The following SLC25A24 variants were observed in gnomAD, a reference collection of about 807,000 sequenced individuals.
SLC25A24 encodes the protein mitochondrial adenyl nucleotide antiporter SLC25A24.
In SLC25A24, 49 loss-of-function variants were observed where a neutral mutation model predicts 60.7. The observed-to-expected ratio is 0.81, with a 90% CI of 0.64 to 1.02. The LOEUF is 1.02. SLC25A24 is among the 50% of genes least tolerant of loss of function. SLC25A24 has a pLI of 0.00. For missense variants in SLC25A24, 564 were observed against 586.3 expected (o/e 0.96, Z 0.39); for synonymous variants, 202 against 200.6 (o/e 1.01, Z -0.06).
intron 3 of SLC25A24, among the ~76,000 whole-genome samples, chr1:108,179,864 T>G (rs1397171125): frequency 6.6e-6 from 1 of 152,180 alleles, no homozygotes; most frequent in Non-Finnish European, 1.5e-5. Context: ...GGATGTAAAG[T>G]GTTCTCACCA....
intron 6 of SLC25A24, among the ~76,000 whole-genome samples, chr1:108,151,801 C>T (rs371572178): frequency 6.6e-6 from 1 of 152,218 alleles, no homozygotes; most frequent in Non-Finnish European, 1.5e-5. Flanking sequence ...TCAAACTCAG[C>T]ATGCACAAAA....
chr1:108,143,900 G>A (rs547228889), intron 7 of SLC25A24, among the ~76,000 whole-genome samples, 190 bp from the exon 8 acceptor site: 142 of 152,238 alleles, frequency 9.3e-4, no homozygotes, highest in Non-Finnish European at 1.6e-3. Flanking sequence ...AGAGAGACCC[G>A]TTTACTGCAA....
At chr1:108,182,485 G>A (rs1647965278) in intron 2 of SLC25A24, among the ~76,000 whole-genome samples, 1 of 151,198 alleles carries the variant, frequency 6.6e-6, no homozygotes, top group South Asian at 2.1e-4. Flanking sequence ...CTGAGTTAAA[G>A]AGAAGTAGTA....
chr1:108,151,312 T>C (rs750847330), intron 6 of SLC25A24, among the ~76,000 whole-genome samples: 1 of 152,214 alleles, frequency 6.6e-6, no homozygotes, highest in Non-Finnish European at 1.5e-5. Flanking sequence ...TTTCCTTCTC[T>C]TCACTGTCAA....
At chr1:108,174,994 G>T (rs1327179242) in intron 3 of SLC25A24, among the ~76,000 whole-genome samples, 2 of 152,172 alleles carry the variant, frequency 1.3e-5, no homozygotes, top group Non-Finnish European at 2.9e-5. Flanking sequence ...GAAGGGACTT[G>T]CCTTGTCTCT....
intron 1 of SLC25A24, among the ~76,000 whole-genome samples, chr1:108,187,686 T>C (rs1353635265): frequency 6.6e-6 from 1 of 151,892 alleles, no homozygotes; most frequent in African/African-American, 2.4e-5. Flanking sequence ...CCCATGGTTT[T>C]AACAATAATG....
Position 108,187,927 on chromosome 1 carries a change from G to GATAGATATATATATATATATAT in SLC25A24, c.184-1974_184-1973insATATATATATATATATATCTAT. Reference sequence around the variant, plus strand: ...TACACGAAATGGATAAGACATTATAGATATATATATATATATATTCATGCA... The same window carrying GATAGATATATATATATATATAT: ...TACACGAAATGGATAAGACATTATAGATAGATATATATATATATATATATATATATATATATATATTCATGCA... On this transcript the variant is annotated intron_variant, in intron 1 of 9. Transcript: ENST00000565488. Among the ~76,000 whole-genome samples the GATAGATATATATATATATATAT allele has an allele frequency of 8.6e-3, 826 of 95,716 alleles. 29 individuals are homozygous for GATAGATATATATATATATATAT. The highest frequency in any genetic ancestry group is 0.013 in the South Asian group (41 of 3,086). The allele number at this position is 95,716 out of a possible 152,430, so 62.8% of individuals were successfully genotyped here.
At chr1:108,161,386 T>C (rs1179494278) in intron 3 of SLC25A24, 93 bp from the exon 4 acceptor site, 7 of 711,618 alleles carry the variant, frequency 9.8e-6, no homozygotes, top group Admixed American at 2.6e-5. Flanking sequence ...GTTTCTTTTC[T>C]AACATAATAT....
chr1:108,171,848 G>A (rs546925762), intron 3 of SLC25A24, among the ~76,000 whole-genome samples: 31 of 152,298 alleles, frequency 2.0e-4, no homozygotes, highest in Middle Eastern at 3.4e-3. Flanking sequence ...GACAAAGAGA[G>A]GCTAAGAATT....
chr1:108,158,416 C>G (rs956697534), intron 4 of SLC25A24, among the ~76,000 whole-genome samples: 1 of 152,070 alleles, frequency 6.6e-6, no homozygotes, highest in Admixed American at 6.6e-5. Flanking sequence ...ATTTTACTAT[C>G]AATAAAATGG....
At chr1:108,143,800 C>A in intron 7 of SLC25A24, 90 bp from the exon 8 acceptor site, 1 of 946,140 alleles carries the variant, frequency 1.1e-6, no homozygotes, top group Non-Finnish European at 1.6e-6. Context: ...GAACAAATAC[C>A]TAGCACATAT....
At chr1:108,151,979 C>T (rs1679768465) in intron 6 of SLC25A24, among the ~76,000 whole-genome samples, 1 of 152,166 alleles carries the variant, frequency 6.6e-6, no homozygotes, top group African/African-American at 2.4e-5. Flanking sequence ...TCCTTAAAGA[C>T]ATCACCTTAT....
intron 1 of SLC25A24, among the ~76,000 whole-genome samples, chr1:108,192,260 G>C (rs912008826): frequency 7.2e-6 from 1 of 139,486 alleles, no homozygotes; most frequent in African/African-American, 2.5e-5. Context: ...AACATCTTGA[G>C]AGCAATCTGA....
intron 7 of SLC25A24, among the ~76,000 whole-genome samples, chr1:108,146,897 C>G (rs1317627015): frequency 6.6e-6 from 1 of 152,124 alleles, no homozygotes; most frequent in Non-Finnish European, 1.5e-5. Context: ...GTGTCTCTGC[C>G]AGGTTTTAGT....
At chr1:108,161,576 CA>C (rs1558015614) in intron 3 of SLC25A24, among the ~76,000 whole-genome samples, 2 of 152,090 alleles carry the variant, frequency 1.3e-5, no homozygotes, top group Admixed American at 1.3e-4. Context: ...CTACAAAACA[CA>C]AAAACTTGAA....
intron 1 of SLC25A24, among the ~76,000 whole-genome samples, chr1:108,189,538 C>T (rs1044647680): frequency 2.0e-5 from 3 of 152,092 alleles, no homozygotes; most frequent in East Asian, 1.9e-4. Flanking sequence ...TATGGCTGGG[C>T]GCATGGTGGC....
chr1:108,180,588 T>C (rs982298406), intron 3 of SLC25A24, among the ~76,000 whole-genome samples: 2 of 149,044 alleles, frequency 1.3e-5, no homozygotes, highest in East Asian at 3.9e-4. Flanking sequence ...AACAGGACTA[T>C]GGCCTTATAA....
rs1679368241 is a variant in SLC25A24, at chr1:108,138,980, TTAG to T, written c.1249+75_1249+77del. ...CTGTCTTAAAACTACAGTCTGCATCTTAGTAGAACTTGGAGTTCTAAAAGCACA... is the reference window on the plus strand; with the variant it reads ...CTGTCTTAAAACTACAGTCTGCATCTTAGAACTTGGAGTTCTAAAAGCACA... On this transcript the variant is annotated intron_variant, in intron 9 of 9. Transcript: ENST00000565488. 5 of 1,307,244 alleles carry T rather than the reference TTAG, an allele frequency of 3.8e-6. No homozygotes were observed. The South Asian group carries it at 1.0e-4, about 26-fold the overall frequency. The allele number at this position is 1,307,244 out of a possible 1,614,324, so 81.0% of individuals were successfully genotyped here. A position where few individuals can be genotyped will look rare whatever the true frequency, so the allele number is the denominator to read the frequency against.
At position 108,136,784 on chromosome 1, in the gene SLC25A24, T is replaced by C; in HGVS notation, c.1303A>G (p.Ile435Val). The C allele has an allele frequency of 6.2e-7, 1 of 1,614,132 alleles. No individual in the cohort carries two copies. The highest frequency in any genetic ancestry group is 8.5e-7 in the Non-Finnish European group (1 of 1,179,994). ...AGTCCTGGTATTCCTTCTTTGGAAA[T>C]AATTCGTCGAAAGAGGCCAACCATA... The part of the protein sequence containing the change: ...LNMVGLFRRI[I>V]SKEGIPGLYR... The change falls in exon 10 of 10, where the codon ATT becomes GTT. Residue 435 changes from isoleucine (I) to valine (V), a missense_variant. Physicochemically the swap from Ile to Val is conservative, Grantham distance 29 (BLOSUM62 3). Coordinates refer to ENST00000565488, the MANE Select transcript of SLC25A24 (RefSeq NM_013386.5).
Sources: allele counts gnomAD v4.1 joint callset (sites outside exome capture counted in the v4.1 genomes callset), GRCh38; gene constraint gnomAD v4.1.1; transcripts MANE v1.5; gene names NCBI Gene and HGNC (gene_info 2026-07-23, HGNC 2026-07-21).